SPIN1: variants seen among roughly 807,000 people sequenced by gnomAD.
SPIN1 encodes spindlin-1.
SPIN1 carries 3 observed loss-of-function variants against 26.0 expected under a neutral mutation model. The ratio of observed to expected loss-of-function variants is 0.12; its 90% CI spans 0.05 to 0.30. The LOEUF (loss-of-function observed/expected upper bound fraction) is 0.30, where lower values mean the gene tolerates loss of function less well. Ranked by LOEUF, SPIN1 falls within the 10% of genes least tolerant of loss-of-function variation. The pLI is 1.00. For missense variants in SPIN1, 126 were observed against 333.4 expected (o/e 0.38, Z 4.84); for synonymous variants, 101 against 116.5 (o/e 0.87, Z 0.86).
chr9:88,466,267 T>G (rs1205511803), intron 4 of SPIN1, among the ~76,000 whole-genome samples: 1 of 152,200 alleles, frequency 6.6e-6, no homozygotes, highest in Admixed American at 6.5e-5. Context: ...CAAACAGTCC[T>G]CCTGCCTCAG....
At chr9:88,436,040 T>G (rs2118070317) in intron 2 of SPIN1, among the ~76,000 whole-genome samples, 1 of 152,330 alleles carries the variant, frequency 6.6e-6, no homozygotes, top group Non-Finnish European at 1.5e-5. Context: ...AGTTCAGAGT[T>G]CAAAATCATT....
In SPIN1 at chr9:88,477,224, A is replaced by C. The variant is rs1587821319; in HGVS notation, c.*1947A>C. The C allele has an allele frequency of 6.6e-6, 1 of 152,222 alleles. No homozygotes were observed. Among genetic ancestry groups the C allele is most frequent in the African/African-American group, 2.4e-5 (1 of 41,452 alleles). 9.4% of individuals were successfully genotyped at this position (152,222 alleles called of 1,614,324 possible). Reference sequence around the variant, plus strand: ...TCTCAAAGCTGAGCCTGGCTCCCAGAGTCCAGACTGACATTACAGCGCAAG... The same window carrying C: ...TCTCAAAGCTGAGCCTGGCTCCCAGCGTCCAGACTGACATTACAGCGCAAG... On this transcript the variant is annotated 3_prime_UTR_variant, in exon 6 of 6. Transcript: ENST00000375859.
chr9:88,474,934 T>G, intron 5 of SPIN1, 144 bp from the exon 6 acceptor site: 1 of 781,838 alleles, frequency 1.3e-6, no homozygotes, highest in East Asian at 2.8e-5. Context: ...GTTTGCTGAC[T>G]CCTGGTCTAG....
intron 4 of SPIN1, among the ~76,000 whole-genome samples, chr9:88,466,891 A>G (rs927362910): frequency 1.3e-5 from 2 of 151,882 alleles, no homozygotes; most frequent in Non-Finnish European, 2.9e-5. Flanking sequence ...CTGCACTGCC[A>G]CACCTGGCTA....
chr9:88,406,011 G>GTC (rs1390901645), intron 1 of SPIN1, among the ~76,000 whole-genome samples: 1 of 126,286 alleles, frequency 7.9e-6, no homozygotes, highest in African/African-American at 4.3e-5. Flanking sequence ...GTGTCTGTGT[G>GTC]TGTGTGTGTG....
At chr9:88,421,958 G>A (rs1472836062) in intron 1 of SPIN1, among the ~76,000 whole-genome samples, 5 of 151,872 alleles carry the variant, frequency 3.3e-5, no homozygotes, top group African/African-American at 9.7e-5. Context: ...TCTGCTTTGC[G>A]TCATATCACA....
chr9:88,411,529 T>C (rs1229479167), intron 1 of SPIN1: 2 of 665,184 alleles, frequency 3.0e-6, no homozygotes, highest in East Asian at 2.6e-5. Flanking sequence ...AGCTTTTTTT[T>C]TGGAGACAGA....
At chr9:88,422,118 C>G (rs146528378) in intron 1 of SPIN1, among the ~76,000 whole-genome samples, 93 of 152,222 alleles carry the variant, frequency 6.1e-4, no homozygotes, top group African/African-American at 2.0e-3. Context: ...TGTGGAGTTA[C>G]TTGTTTTGAT....
At chr9:88,435,252 G>A (rs971586432) in intron 2 of SPIN1, among the ~76,000 whole-genome samples, 25 of 149,088 alleles carry the variant, frequency 1.7e-4, no homozygotes, top group Non-Finnish European at 3.4e-4. Context: ...ATCTCACTCC[G>A]TCACCCAGGC....
At chr9:88,404,272 T>C (rs1158592972) in intron 1 of SPIN1, among the ~76,000 whole-genome samples, 1 of 152,210 alleles carries the variant, frequency 6.6e-6, no homozygotes, top group Non-Finnish European at 1.5e-5. Flanking sequence ...TTGTAGACTG[T>C]GTATAAACAC....
chr9:88,409,347 C>T (rs1289685279), intron 1 of SPIN1, among the ~76,000 whole-genome samples: 1 of 151,372 alleles, frequency 6.6e-6, no homozygotes, highest in Non-Finnish European at 1.5e-5. Flanking sequence ...CATTTTGTCT[C>T]CTTGTTGGCT....
chr9:88,397,353 T>C (rs574151924), intron 1 of SPIN1, among the ~76,000 whole-genome samples: 2 of 152,126 alleles, frequency 1.3e-5, no homozygotes, highest in African/African-American at 2.4e-5. Context: ...CATCTTGTAC[T>C]GTTTTTCCCC....
chr9:88,434,133 C>CT (rs1440109994), intron 2 of SPIN1, among the ~76,000 whole-genome samples: 1 of 151,702 alleles, frequency 6.6e-6, no homozygotes, highest in Non-Finnish European at 1.5e-5. Flanking sequence ...AGACATTGGT[C>CT]TTTATCATTG....
At chr9:88,390,814 C>T (rs12351962) in intron 1 of SPIN1, among the ~76,000 whole-genome samples, 8,203 of 152,156 alleles carry the variant, frequency 0.054, 720 homozygotes, top group African/African-American at 0.19. Context: ...TGGTCCAAAG[C>T]CACATAACTG....
At chr9:88,397,753 C>T (rs1827097780) in intron 1 of SPIN1, among the ~76,000 whole-genome samples, 1 of 151,960 alleles carries the variant, frequency 6.6e-6, no homozygotes, top group African/African-American at 2.4e-5. Context: ...TCCCAAGTAG[C>T]TGGGAGTACA....
At chr9:88,468,955 C>T (rs1365550203) in intron 5 of SPIN1, among the ~76,000 whole-genome samples, 4 of 152,128 alleles carry the variant, frequency 2.6e-5, no homozygotes, top group African/African-American at 7.2e-5. Context: ...TATCTCATCG[C>T]CTGTCTAGTT....
chr9:88,458,965 A>G (rs761327522), intron 3 of SPIN1, among the ~76,000 whole-genome samples: 30 of 152,334 alleles, frequency 2.0e-4, no homozygotes, highest in South Asian at 4.1e-4. Flanking sequence ...TCACAGAGAC[A>G]TCTAGAGTGG....
At chr9:88,392,454 C>T (rs1386354966) in intron 1 of SPIN1, among the ~76,000 whole-genome samples, 1 of 152,074 alleles carries the variant, frequency 6.6e-6, no homozygotes, top group East Asian at 1.9e-4. Flanking sequence ...CATAGATTAT[C>T]AGAATGGGAG....
chr9:88,448,787 T>G (rs1828303324), intron 2 of SPIN1, among the ~76,000 whole-genome samples, 154 bp from the exon 3 acceptor site: 1 of 152,160 alleles, frequency 6.6e-6, no homozygotes, highest in Non-Finnish European at 1.5e-5. Context: ...TTTTAAAAGT[T>G]CAGTAAACAA....
Sources: allele counts gnomAD v4.1 joint callset (sites outside exome capture counted in the v4.1 genomes callset), GRCh38; gene constraint gnomAD v4.1.1; transcripts MANE v1.5; gene names NCBI Gene and HGNC (gene_info 2026-07-23, HGNC 2026-07-21).